ADAMTS20: variants seen among roughly 807,000 people sequenced by gnomAD.
The protein encoded by ADAMTS20 is ADAM metallopeptidase with thrombospondin type 1 motif 20, also known as A disintegrin and metalloproteinase with thrombospondin motifs 20.
ADAMTS20 carries 225 observed loss-of-function variants against 260.1 expected under a neutral mutation model. That is an observed-to-expected ratio of 0.87 (90% CI 0.78 to 0.97). The LOEUF is 0.97. Ranked by LOEUF, ADAMTS20 falls within the 50% of genes least tolerant of loss-of-function variation. ADAMTS20 has a pLI of 0.00. For missense variants in ADAMTS20, 2,400 were observed against 2,337.7 expected, an observed-to-expected ratio of 1.03 and a Z score of -0.55; for synonymous variants, 802 against 769.5, an observed-to-expected ratio of 1.04 and a Z score of -0.70.
Position 43,431,585 on chromosome 12 carries a change from A to T in ADAMTS20, c.3097-89T>A, listed in dbSNP as rs1941444968. ...ATGCAATGATCAATTTGCATATAGA[A>T]ATACAGTTGAAAAACCATTCCCAAA... On this transcript the variant is annotated intron_variant, in intron 21 of 38. Coordinates refer to ENST00000389420, the MANE Select transcript of ADAMTS20 (RefSeq NM_025003.5). 1.6e-5 allele frequency: 24 copies of T among 1,459,556 alleles called. 1 individual carries two copies. The highest frequency in any genetic ancestry group is 9.5e-7 in the Non-Finnish European group (1 of 1,052,706). 90.4% of individuals were successfully genotyped at this position (1,459,556 alleles called of 1,614,324 possible).
Position 43,532,188 on chromosome 12 carries a change from G to C in ADAMTS20, c.461C>G (p.Thr154Arg). The change falls in exon 3 of 39, where the codon ACA becomes AGA. Residue 154 changes from threonine (T) to arginine (R), a missense_variant. Physicochemically the swap from Thr to Arg is moderately conservative, Grantham distance 71 (BLOSUM62 -1). Transcript: ENST00000389420. ...ATATTCACCGTTCTGTCCTTTAAAT[G>C]TTCCCGTCTGAAAATAAAGGAAACA... is the stretch of plus-strand genomic sequence containing the variant. Reference protein sequence around the residue: ...VVSLCGGLTGTFKGQNGEYFL... With the variant: ...VVSLCGGLTGRFKGQNGEYFL... The C allele has an allele frequency of 6.3e-7, 1 of 1,591,196 alleles. No homozygotes were observed. The highest frequency in any genetic ancestry group is 8.5e-7 in the Non-Finnish European group (1 of 1,171,784).
chr12:43,532,195 T>C lies in ADAMTS20; in HGVS notation c.454A>G (p.Thr152Ala). The change falls in exon 3 of 39, where the codon ACG (threonine) becomes GCG (alanine). Residue 152 changes from threonine to alanine, a missense_variant and splice_region_variant. Physicochemically the swap from Thr to Ala is moderately conservative, Grantham distance 58. Coordinates refer to ENST00000389420, the MANE Select transcript of ADAMTS20 (RefSeq NM_025003.5). ...KAVVSLCGGL[T>A]GTFKGQNGEY... ...CCGTTCTGTCCTTTAAATGTTCCCG[T>C]CTGAAAATAAAGGAAACAAAAATGA... The C allele has an allele frequency of 6.3e-7, 1 of 1,590,994 alleles. No individual in the cohort carries two copies. Among genetic ancestry groups the C allele is most frequent in the Non-Finnish European group, 8.5e-7 (1 of 1,170,336 alleles).
intron 9 of ADAMTS20, 30 bp downstream of exon 9, chr12:43,466,622 T>C (rs1565560903): frequency 1.3e-6 from 2 of 1,573,144 alleles, no homozygotes; most frequent in East Asian, 4.5e-5. Flanking sequence ...ATCGAATACA[T>C]GTTCAATTAT....
At chr12:43,448,185 A>C (rs7306028) in intron 14 of ADAMTS20, among the ~76,000 whole-genome samples, 118,154 of 152,078 alleles carry the variant, frequency 0.78, 47,042 homozygotes, top group East Asian at 1. Context: ...ATAGCCAAAG[A>C]AATCCTAACC....
At chr12:43,517,293 C>G (rs4768507) in intron 3 of ADAMTS20, among the ~76,000 whole-genome samples, 3 of 151,544 alleles carry the variant, frequency 2.0e-5, no homozygotes, top group Non-Finnish European at 4.4e-5. Context: ...ACCAAGGTAC[C>G]GAATCCAAAA....
intron 28 of ADAMTS20, among the ~76,000 whole-genome samples, chr12:43,412,473 AT>A (rs1941049769): frequency 6.6e-6 from 1 of 152,232 alleles, no homozygotes; most frequent in South Asian, 2.1e-4. Flanking sequence ...GCTACATGTA[AT>A]AGATCTCTTT....
intron 3 of ADAMTS20, 36 bp downstream of exon 3, chr12:43,531,997 TCAC>T: frequency 7.7e-7 from 1 of 1,299,180 alleles, no homozygotes; most frequent in South Asian, 2.3e-5. Context: ...TTAAATAGTA[TCAC>T]TATTTAGCTG....
intron 28 of ADAMTS20, 114 bp downstream of exon 28, chr12:43,425,400 C>T: frequency 6.3e-6 from 6 of 946,486 alleles, no homozygotes; most frequent in Non-Finnish European, 7.2e-6. Context: ...ACATCTTGCA[C>T]ATGTACCCCT....
intron 29 of ADAMTS20, among the ~76,000 whole-genome samples, chr12:43,387,465 G>C (rs996234626): frequency 6.6e-6 from 1 of 152,222 alleles, no homozygotes; most frequent in Non-Finnish European, 1.5e-5. Flanking sequence ...GAGGCACAGA[G>C]CTCAGGGATC....
At chr12:43,463,299 T>C (rs75699634) in intron 10 of ADAMTS20, among the ~76,000 whole-genome samples, 2,068 of 152,314 alleles carry the variant, frequency 0.014, 52 homozygotes, top group African/African-American at 0.047. Flanking sequence ...TTACAAGATA[T>C]CTTTCTAAAG....
chr12:43,539,486 G>C (rs986820327), intron 2 of ADAMTS20, among the ~76,000 whole-genome samples: 1 of 152,040 alleles, frequency 6.6e-6, no homozygotes, highest in African/African-American at 2.4e-5. Context: ...ATAAATATAA[G>C]AATTCTTATC....
At chr12:43,468,786 C>A (rs1227008872) in intron 7 of ADAMTS20, 81 bp from the exon 8 acceptor site, 2 of 782,306 alleles carry the variant, frequency 2.6e-6, no homozygotes, top group East Asian at 2.6e-5. Flanking sequence ...AAGCATTTAA[C>A]CATTGATGTT....
rs574708986 is a variant in ADAMTS20, at chr12:43,512,106, CAT to C, written c.614-9703_614-9702del. On this transcript the variant is annotated intron_variant, in intron 3 of 38. Coordinates refer to ENST00000389420, the MANE Select transcript of ADAMTS20 (RefSeq NM_025003.5). ...ACATATCAGGTACTCGTACACTTCA[CAT>C]ATGTTATCTCATTTAGCATTAACAA... is the stretch of plus-strand genomic sequence containing the variant. Among the ~76,000 whole-genome samples the C allele has an allele frequency of 8.6e-5, 13 of 151,708 alleles. No homozygotes were observed. The South Asian group carries it at 2.7e-3, about 32-fold the overall frequency.
At chr12:43,469,549 C>G (rs1304229254) in intron 7 of ADAMTS20, among the ~76,000 whole-genome samples, 1 of 151,976 alleles carries the variant, frequency 6.6e-6, no homozygotes, top group Non-Finnish European at 1.5e-5. Flanking sequence ...TAACATAATC[C>G]CATGATTTTG....
chr12:43,443,681 T>C (rs559275340), intron 16 of ADAMTS20, 110 bp downstream of exon 16: 4 of 807,992 alleles, frequency 5.0e-6, no homozygotes, highest in East Asian at 4.9e-5. Flanking sequence ...GAAATGAAAT[T>C]GCATGCTTGC....
In ADAMTS20 at chr12:43,518,409, A is replaced by G. The variant is rs147375475; in HGVS notation, c.613+13627T>C. On this transcript the variant is annotated intron_variant, in intron 3 of 38. Transcript: ENST00000389420. ...TTCCTCAAGTGGTTTTTGGGCAAACATTCCTCAGTCTTCTTAGAATGTCCT... is the reference window on the plus strand; with the variant it reads ...TTCCTCAAGTGGTTTTTGGGCAAACGTTCCTCAGTCTTCTTAGAATGTCCT... Among the ~76,000 whole-genome samples, 14 of 152,182 alleles carry G rather than the reference A, an allele frequency of 9.2e-5. No individual in the cohort carries two copies. In the East Asian group the frequency reaches 2.3e-3, roughly 25 times the overall value.
intron 29 of ADAMTS20, among the ~76,000 whole-genome samples, chr12:43,391,095 G>A (rs1940586768): frequency 6.6e-6 from 1 of 152,206 alleles, no homozygotes; most frequent in South Asian, 2.1e-4. Flanking sequence ...GGTGCTGGCG[G>A]TGTCAGTGTC....
chr12:43,495,315 A>C lies in ADAMTS20; in HGVS notation c.868-2062T>G, dbSNP rs566770587. Reference sequence around the variant, plus strand: ...ATGCAAGGTGGATAGTGGCTATAAAACATAGTTATTTAAGGGAAACAGACA... The same window carrying C: ...ATGCAAGGTGGATAGTGGCTATAAACCATAGTTATTTAAGGGAAACAGACA... On this transcript the variant is annotated intron_variant, in intron 4 of 38. Coordinates refer to ENST00000389420, the MANE Select transcript of ADAMTS20 (RefSeq NM_025003.5). 7.2e-5 allele frequency among the ~76,000 whole-genome samples: 11 copies of C among 152,316 alleles called. No individual in the cohort carries two copies. In the South Asian group the frequency reaches 1.9e-3, roughly 26 times the overall value.
chr12:43,384,075 C>T, intron 29 of ADAMTS20, 98 bp from the exon 30 acceptor site: 1 of 1,112,968 alleles, frequency 9.0e-7, no homozygotes, highest in Admixed American at 3.2e-5. Context: ...ATTTTAAATA[C>T]AGCCTGGTAT....
Sources: gnomAD v4.1 joint callset for allele counts (sites outside exome capture counted in the v4.1 genomes callset) on GRCh38, gnomAD v4.1.1 for gene constraint, MANE v1.5 for transcripts, NCBI Gene and HGNC (gene_info 2026-07-23, HGNC 2026-07-21) for gene names.